CDH18: variants seen among roughly 807,000 people sequenced by gnomAD.
CDH18 encodes cadherin-18.
Under a neutral mutation model 67.9 loss-of-function variants are expected in CDH18, and 31 were observed. That is an observed-to-expected ratio of 0.46 (90% CI 0.34 to 0.62). CDH18 has a LOEUF of 0.62. Among genes scored for constraint, CDH18 ranks in the 20% least tolerant of loss-of-function variants. CDH18 has a pLI of 0.01. For synonymous variants in CDH18, 362 were observed against 347.2 expected (o/e 1.04, Z -0.48); for missense variants, 890 against 975.5 (o/e 0.91, Z 1.17).
chr5:20,488,694 T>C (rs1298610101), intron 1 of CDH18, among the ~76,000 whole-genome samples: 2 of 131,662 alleles, frequency 1.5e-5, no homozygotes, highest in African/African-American at 2.8e-5. Context: ...TATATATATA[T>C]ATATATACAC....
chr5:19,747,158 T>C lies in CDH18; in HGVS notation c.307A>G (p.Ile103Val), dbSNP rs1770126475. ...TGGATATCACCCGTGGTATCGTCAA[T>C]GATAAATATAGTCCCAGCACCCTCT... ...TGEGAGTIFI[I>V]DDTTGDIHST... Residue 103 changes from isoleucine (I) to valine (V), a missense_variant, in exon 4 of 13, where the codon ATT becomes GTT. Physicochemically the swap from Ile to Val is conservative, Grantham distance 29. Transcript: ENST00000382275. The C allele has an allele frequency of 6.2e-7, 1 of 1,613,828 alleles. No homozygotes were observed. Among genetic ancestry groups the C allele is most frequent in the Non-Finnish European group, 8.5e-7 (1 of 1,179,848 alleles).
chr5:19,746,813 A>C (rs1463803064), intron 4 of CDH18, 129 bp downstream of exon 4: 2 of 748,516 alleles, frequency 2.7e-6, no homozygotes, highest in East Asian at 5.4e-5. Flanking sequence ...AAAATACTAA[A>C]ATATTTTGAA....
intron 5 of CDH18, among the ~76,000 whole-genome samples, chr5:19,709,166 T>C (rs981279159): frequency 3.3e-5 from 5 of 151,774 alleles, no homozygotes; most frequent in Non-Finnish European, 7.4e-5. Context: ...CACCTGGCAC[T>C]TACCACTCAC....
At chr5:20,270,309 C>A (rs938552601) in intron 1 of CDH18, among the ~76,000 whole-genome samples, 3 of 152,056 alleles carry the variant, frequency 2.0e-5, no homozygotes, top group Non-Finnish European at 4.4e-5. Flanking sequence ...AATTGTTAAA[C>A]TTCCTGAAAG....
At chr5:20,187,483 T>C (rs1160491394) in intron 2 of CDH18, among the ~76,000 whole-genome samples, 1 of 151,846 alleles carries the variant, frequency 6.6e-6, no homozygotes, top group African/African-American at 2.4e-5. Flanking sequence ...TCAAACTAAA[T>C]GTACCTGGGC....
chr5:20,270,387 A>T (rs545605883), intron 1 of CDH18, among the ~76,000 whole-genome samples: 2 of 152,282 alleles, frequency 1.3e-5, no homozygotes, highest in East Asian at 3.9e-4. Context: ...ACAAAAGCTC[A>T]ATGTCACCGA....
intron 2 of CDH18, among the ~76,000 whole-genome samples, chr5:20,157,523 A>G (rs1028750099): frequency 6.6e-6 from 1 of 152,132 alleles, no homozygotes; most frequent in Non-Finnish European, 1.5e-5. Context: ...ATAGTGATTA[A>G]TTCAGGGTAT....
intron 1 of CDH18, among the ~76,000 whole-genome samples, chr5:20,530,337 C>T (rs985014789): frequency 6.6e-6 from 1 of 151,758 alleles, no homozygotes; most frequent in Non-Finnish European, 1.5e-5. Flanking sequence ...AATGCTATTC[C>T]CATTAAATTG....
chr5:19,708,134 TG>T (rs1764200423), intron 5 of CDH18, among the ~76,000 whole-genome samples: 1 of 152,098 alleles, frequency 6.6e-6, no homozygotes, highest in Non-Finnish European at 1.5e-5. Context: ...TGGGAAATAA[TG>T]AAAAAGCATC....
intron 1 of CDH18, among the ~76,000 whole-genome samples, chr5:20,335,190 C>T (rs1408298981): frequency 2.0e-5 from 3 of 152,028 alleles, no homozygotes; most frequent in Admixed American, 6.6e-5. Flanking sequence ...CATCACTCTT[C>T]CCTTATTTCT....
chr5:20,536,878 T>C (rs954513405), intron 1 of CDH18, among the ~76,000 whole-genome samples: 8 of 152,130 alleles, frequency 5.3e-5, no homozygotes, highest in African/African-American at 1.9e-4. Flanking sequence ...TCCTCTCTTG[T>C]CCCACCACAT....
At chr5:19,730,732 G>C (rs1343059069) in intron 4 of CDH18, among the ~76,000 whole-genome samples, 2 of 146,870 alleles carry the variant, frequency 1.4e-5, no homozygotes, top group Admixed American at 6.9e-5. Flanking sequence ...TATTGCTACT[G>C]CTAAACAATC....
intron 1 of CDH18, among the ~76,000 whole-genome samples, chr5:20,378,391 T>C (rs1029914051): frequency 3.2e-4 from 49 of 152,064 alleles, no homozygotes; most frequent in Non-Finnish European, 2.2e-4. Context: ...CAGGATGAGA[T>C]AACCCTCTTT....
intron 5 of CDH18, among the ~76,000 whole-genome samples, chr5:19,652,396 T>C (rs952515248): frequency 6.6e-6 from 1 of 152,098 alleles, no homozygotes; most frequent in Non-Finnish European, 1.5e-5. Context: ...ACCTTCTCGA[T>C]TTCAAAGGAA....
chr5:20,066,252 T>C (rs1285819786), intron 2 of CDH18, among the ~76,000 whole-genome samples: 2 of 152,030 alleles, frequency 1.3e-5, no homozygotes, highest in Non-Finnish European at 2.9e-5. Context: ...AGAGCTCCAC[T>C]ATCCCTGCTT....
chr5:20,367,955 C>T (rs890286475), intron 1 of CDH18, among the ~76,000 whole-genome samples: 2 of 152,190 alleles, frequency 1.3e-5, no homozygotes, highest in Admixed American at 6.5e-5. Flanking sequence ...CTCTGCCTTA[C>T]TCTCAGAGAT....
intron 5 of CDH18, among the ~76,000 whole-genome samples, chr5:19,718,002 A>G (rs1308811480): frequency 1.3e-5 from 2 of 151,952 alleles, no homozygotes; most frequent in Non-Finnish European, 2.9e-5. Flanking sequence ...TTTTTTTCAC[A>G]AGATGTTTCA....
chr5:19,995,188 T>C (rs1735908793), intron 2 of CDH18, among the ~76,000 whole-genome samples: 1 of 151,974 alleles, frequency 6.6e-6, no homozygotes, highest in South Asian at 2.1e-4. Flanking sequence ...TGGACACACT[T>C]TGAAGTACTG....
chr5:19,624,020 T>TTATTAC (rs1223269271), intron 5 of CDH18, among the ~76,000 whole-genome samples: 1 of 148,188 alleles, frequency 6.7e-6, no homozygotes, highest in Non-Finnish European at 1.5e-5. Context: ...ATTATTATTA[T>TTATTAC]TATTGAGATG....
Sources: gnomAD v4.1 joint callset for allele counts (sites outside exome capture counted in the v4.1 genomes callset) on GRCh38, gnomAD v4.1.1 for gene constraint, MANE v1.5 for transcripts, NCBI Gene and HGNC (gene_info 2026-07-23, HGNC 2026-07-21) for gene names.